FAM20B: variants seen among roughly 807,000 people sequenced by gnomAD.
FAM20B encodes the protein glycosaminoglycan xylosylkinase.
Under a neutral mutation model 43.8 loss-of-function variants are expected in FAM20B, and 23 were observed. The observed-to-expected ratio is 0.53, with a 90% CI of 0.38 to 0.74. FAM20B has a LOEUF of 0.74. FAM20B is among the 30% of genes least tolerant of loss of function. The pLI, the probability that FAM20B is intolerant of heterozygous loss-of-function variation, is 0.00. For missense variants in FAM20B, 440 were observed against 510.5 expected (o/e 0.86, Z 1.33); for synonymous variants, 178 against 192.4 (o/e 0.93, Z 0.62).
At chr1:179,022,883 T>A (rs1448336890), upstream of FAM20B, among the ~76,000 whole-genome samples, 1 of 152,154 alleles carries the variant, frequency 6.6e-6, no homozygotes, top group Admixed American at 6.6e-5. Flanking sequence ...TGTGCAGTTG[T>A]TGGGAAGGCT....
chr1:179,040,976 G>A (rs1425737298), intron 1 of FAM20B, among the ~76,000 whole-genome samples: 2 of 149,788 alleles, frequency 1.3e-5, no homozygotes, highest in African/African-American at 5.0e-5. Flanking sequence ...CATCCCAGAC[G>A]GGGCCGGCGG....
chr1:179,022,473 T>TGC (rs1177447651), upstream of FAM20B, among the ~76,000 whole-genome samples: 1 of 152,126 alleles, frequency 6.6e-6, no homozygotes. Flanking sequence ...CGCGCGCGCG[T>TGC]GTATGCATAT....
intron 1 of FAM20B, among the ~76,000 whole-genome samples, chr1:179,027,396 G>T (rs966345302): frequency 6.6e-6 from 1 of 152,136 alleles, no homozygotes; most frequent in Non-Finnish European, 1.5e-5. Flanking sequence ...TCGTTATCAC[G>T]ACTGTCTGAG....
intron 3 of FAM20B, among the ~76,000 whole-genome samples, chr1:179,052,059 G>C (rs150973828): frequency 6.6e-6 from 1 of 152,130 alleles, no homozygotes; most frequent in Non-Finnish European, 1.5e-5. Flanking sequence ...AAATTCAATA[G>C]TCTTGACTAA....
upstream of FAM20B, among the ~76,000 whole-genome samples, chr1:179,023,755 T>C (rs1649646971): frequency 6.6e-6 from 1 of 152,224 alleles, no homozygotes; most frequent in African/African-American, 2.4e-5. Flanking sequence ...CTCACCTCAA[T>C]ACCAGCCCAC....
intron 2 of FAM20B, among the ~76,000 whole-genome samples, chr1:179,044,701 C>A (rs1650692945): frequency 6.6e-6 from 1 of 152,198 alleles, no homozygotes; most frequent in Non-Finnish European, 1.5e-5. Context: ...CATTCACTTA[C>A]TGAAGGACAT....
intron 1 of FAM20B, among the ~76,000 whole-genome samples, chr1:179,026,425 C>T (rs1649782623): frequency 6.6e-6 from 1 of 152,102 alleles, no homozygotes; most frequent in Admixed American, 6.5e-5. Context: ...CCTGGGGCCG[C>T]CTCAGGCTGC....
rs921479506 is a variant in FAM20B at position 179,047,952 on chromosome 1, T to G, written c.378-2327T>G. 7.2e-5 allele frequency among the ~76,000 whole-genome samples: 11 copies of G among 152,286 alleles called. 1 individual carries two copies. Among genetic ancestry groups the G allele is most frequent in the Admixed American group, 7.2e-4 (11 of 15,296 alleles). On this transcript the variant is annotated intron_variant, in intron 2 of 7. Transcript: ENST00000263733. ...TCCTTTCTCTGAAAGCCACTTGTGG[T>G]TTTAACATTTCTGGAGCCTGATTAT...
intron 1 of FAM20B, among the ~76,000 whole-genome samples, chr1:179,027,471 G>A (rs1018018972): frequency 1.3e-5 from 2 of 152,200 alleles, no homozygotes; most frequent in African/African-American, 4.8e-5. Context: ...ATCTCAGGGA[G>A]ATTTAAAATC....
At chr1:179,066,994 C>A (rs1651718970) in intron 7 of FAM20B, 135 bp downstream of exon 7, 2 of 640,190 alleles carry the variant, frequency 3.1e-6, no homozygotes, top group Non-Finnish European at 5.6e-6. Flanking sequence ...AACCTAGAAC[C>A]TCTGGACATC....
At chr1:179,053,923 T>C (rs1651110563) in intron 3 of FAM20B, among the ~76,000 whole-genome samples, 1 of 152,246 alleles carries the variant, frequency 6.6e-6, no homozygotes, top group Non-Finnish European at 1.5e-5. Context: ...TTCTTCATTG[T>C]AAATTTTCTG....
chr1:179,054,655 G>A lies in FAM20B; in HGVS notation c.574+17G>A. 2.0e-6 allele frequency: 3 copies of A among 1,480,194 alleles called. No individual in the cohort carries two copies. Among genetic ancestry groups the A allele is most frequent in the Non-Finnish European group, 2.8e-6 (3 of 1,060,050 alleles). The allele number at this position is 1,480,194 out of a possible 1,614,324, so 91.7% of individuals were successfully genotyped here. On this transcript the variant is annotated intron_variant, in intron 4 of 7. Coordinates refer to ENST00000263733, the MANE Select transcript of FAM20B (RefSeq NM_014864.4). ...TAACTGTAGGTAAGAAGATTGTAGAGGACATTTATATAGGGGAATGATTAA... is the reference window on the plus strand; with the variant it reads ...TAACTGTAGGTAAGAAGATTGTAGAAGACATTTATATAGGGGAATGATTAA...
At chr1:179,068,662 C>T (rs932581713) in intron 7 of FAM20B, among the ~76,000 whole-genome samples, 1 of 152,044 alleles carries the variant, frequency 6.6e-6, no homozygotes, top group Non-Finnish European at 1.5e-5. Context: ...TCTAGAACTC[C>T]TGACCTTGTG....
At position 179,041,927 on chromosome 1, in the gene FAM20B, G is replaced by T. The variant is rs116800329; in HGVS notation, c.-133-1788G>T. On this transcript the variant is annotated intron_variant, in intron 1 of 7. Transcript: ENST00000263733. ...TAGCTTGCTCTTTTGTTTTTGTTGT[G>T]TTTTTCCTCATTGTTTTGGTTATTA... is the stretch of plus-strand genomic sequence containing the variant. Among the ~76,000 whole-genome samples the T allele has an allele frequency of 8.6e-3, 1,303 of 152,240 alleles. 17 individuals are homozygous for T. The highest frequency in any genetic ancestry group is 0.03 in the African/African-American group (1,234 of 41,540).
In FAM20B at chr1:179,071,898, A is replaced by G. The variant is rs767615051; in HGVS notation, c.999-15A>G. ...AGAAGTTTTATGTACCTTGTTCTATAACTTTTTCTCCCAGCATTCGGGTGT... is the reference window on the plus strand; with the variant it reads ...AGAAGTTTTATGTACCTTGTTCTATGACTTTTTCTCCCAGCATTCGGGTGT... On this transcript the variant is annotated splice_polypyrimidine_tract_variant and intron_variant, in intron 7 of 7. Transcript: ENST00000263733. 62 of 1,584,930 alleles carry G rather than the reference A, an allele frequency of 3.9e-5. No individual in the cohort carries two copies. In the Admixed American group the frequency reaches 1.0e-3, roughly 26 times the overall value.
At chr1:179,066,048 T>G (rs1201350116) in intron 6 of FAM20B, among the ~76,000 whole-genome samples, 2 of 152,208 alleles carry the variant, frequency 1.3e-5, no homozygotes, top group African/African-American at 4.8e-5. Context: ...TTCTTAATAC[T>G]GTTGGACTGT....
At chr1:179,033,972 G>A (rs1396446317) in intron 1 of FAM20B, among the ~76,000 whole-genome samples, 2 of 152,196 alleles carry the variant, frequency 1.3e-5, no homozygotes, top group African/African-American at 4.8e-5. Flanking sequence ...GATTACAGGT[G>A]TGAGCCACTG....
At chr1:179,046,289 G>A (rs746393168) in intron 2 of FAM20B, among the ~76,000 whole-genome samples, 3 of 152,158 alleles carry the variant, frequency 2.0e-5, no homozygotes, top group Admixed American at 2.0e-4. Context: ...TGACTTCTTG[G>A]CCTGAGAGAT....
intron 2 of FAM20B, among the ~76,000 whole-genome samples, chr1:179,046,518 GGT>G (rs1650779337): frequency 6.6e-6 from 1 of 151,422 alleles, no homozygotes; most frequent in African/African-American, 2.4e-5. Context: ...CGGGCGTTTT[GGT>G]ATGTGCCTGT....
Sources: gnomAD v4.1 joint callset for allele counts (sites outside exome capture counted in the v4.1 genomes callset) on GRCh38, gnomAD v4.1.1 for gene constraint, MANE v1.5 for transcripts, NCBI Gene and HGNC (gene_info 2026-07-23, HGNC 2026-07-21) for gene names.